PDE9A: variants seen among roughly 807,000 people sequenced by gnomAD.
The protein encoded by PDE9A is high affinity cGMP-specific 3',5'-cyclic phosphodiesterase 9A.
Under a neutral mutation model 87.4 loss-of-function variants are expected in PDE9A, and 60 were observed. That is an observed-to-expected ratio of 0.69 (90% confidence interval 0.56 to 0.85). The LOEUF is 0.85. Ranked by LOEUF, PDE9A falls within the 40% of genes least tolerant of loss-of-function variation. PDE9A has a pLI of 0.00. For missense variants in PDE9A, 665 were observed against 779.0 expected, an observed-to-expected ratio of 0.85 and a Z score of 1.74; for synonymous variants, 272 against 279.4, an observed-to-expected ratio of 0.97 and a Z score of 0.27.
intron 8 of PDE9A, among the ~76,000 whole-genome samples, chr21:42,747,189 T>C (rs1030932715): frequency 6.6e-6 from 1 of 152,196 alleles, no homozygotes; most frequent in Non-Finnish European, 1.5e-5. Context: ...GTCCCTTTTG[T>C]CTTTGTCAAC....
chr21:42,694,747 C>T lies in PDE9A; in HGVS notation c.219-4221C>T, dbSNP rs1308191322. Among the ~76,000 whole-genome samples the T allele has an allele frequency of 6.6e-6, 1 of 152,180 alleles. No homozygotes were observed. The highest frequency in any genetic ancestry group is 1.5e-5 in the Non-Finnish European group (1 of 68,040). On this transcript the variant is annotated intron_variant, in intron 3 of 19. Transcript: ENST00000291539. The surrounding 1 kb of genome is among the most constrained non-coding windows in gnomAD (Gnocchi z 5.3). ...TCTCTCCCTTGAGTCCTGCTACCTT[C>T]CAGAAAAATAGGCTCCAAACACACT...
intron 14 of PDE9A, 151 bp from the exon 15 acceptor site, chr21:42,765,230 G>A (rs1253526095): frequency 5.3e-6 from 3 of 566,056 alleles, no homozygotes; most frequent in Non-Finnish European, 9.6e-6. Flanking sequence ...AGATGGATGT[G>A]TGGACAAATG....
chr21:42,734,091 T>C (rs889935476), intron 7 of PDE9A: 2 of 151,974 alleles, frequency 1.3e-5, no homozygotes, highest in African/African-American at 4.8e-5. Context: ...GCCAAGCAGA[T>C]GCCGGCACCA....
Position 42,686,252 on chromosome 21 carries a change from G to T in PDE9A, c.130G>T (p.Gly44Cys), listed in dbSNP as rs756737949. The T allele has an allele frequency of 3.1e-6, 5 of 1,613,292 alleles. No individual in the cohort carries two copies. The highest frequency in any genetic ancestry group is 4.2e-6 in the Non-Finnish European group (5 of 1,179,442). Residue 44 changes from glycine to cysteine, a missense_variant, in exon 2 of 20, where the codon GGC (glycine) becomes TGC (cysteine). Physicochemically the swap from Gly to Cys is radical, Grantham distance 159. Transcript: ENST00000291539. ...CATGGACCTGTTCTGCATCGCCACC[G>T]GCCTGCCTCGGTGAGTGCGCGCTGC... is the stretch of plus-strand genomic sequence containing the variant. ...DIMDLFCIAT[G>C]LPRNTTISLL...
At position 42,739,094 on chromosome 21, in the gene PDE9A, C is replaced by T. The variant is rs773247405; in HGVS notation, c.569-4682C>T. 1.3e-5 allele frequency among the ~76,000 whole-genome samples: 2 copies of T among 152,222 alleles called. No individual in the cohort carries two copies. The highest frequency in any genetic ancestry group is 2.4e-5 in the African/African-American group (1 of 41,472). ...CTGGTCAGCGGGAATAACAGGCAGC[C>T]GTGGGCTGGGCTCCCAGCCCCCTAG... is the stretch of plus-strand genomic sequence containing the variant. On this transcript the variant is annotated intron_variant, in intron 7 of 19. Transcript: ENST00000291539. The surrounding 1 kb of genome is among the most constrained non-coding windows in gnomAD (Gnocchi z 4.1).
chr21:42,716,051 C>A (rs558292641), intron 4 of PDE9A, among the ~76,000 whole-genome samples: 2 of 151,938 alleles, frequency 1.3e-5, no homozygotes, highest in South Asian at 2.1e-4. Flanking sequence ...CTTTAAGATT[C>A]TTTTATGCCT....
rs1267242641 is a variant in PDE9A, at chr21:42,775,288, G to A, written c.1777G>A (p.Ala593Thr). Residue 593 changes from alanine to threonine, a missense_variant, in exon 20 of 20, where the codon GCC (alanine) becomes ACC (threonine). By Grantham distance (58) the Ala-to-Thr change is moderately conservative (BLOSUM62 0). Transcript: ENST00000291539. ...RDVKNSEGDC[A>T] ...CGTTTCCCTTCTTCCAGGAGACTGT[G>A]CCTGAGGAAAGCGGGGGGCGTGGCT... 1.2e-6 allele frequency: 2 copies of A among 1,611,548 alleles called. No individual in the cohort carries two copies. The highest frequency in any genetic ancestry group is 1.3e-5 in the African/African-American group (1 of 74,876).
At position 42,723,589 on chromosome 21, in the gene PDE9A, C is replaced by A. The variant is rs78125562; in HGVS notation, c.263-8181C>A. ...GCTTGGAGCAGCACCATGAAATCCA[C>A]TCTAGCATGCAGACTCGGGGGCACT... is the stretch of plus-strand genomic sequence containing the variant. On this transcript the variant is annotated intron_variant, in intron 4 of 19. Transcript: ENST00000291539. The surrounding 1 kb of genome is among the most constrained non-coding windows in gnomAD (Gnocchi z 4.3). 5.2e-3 allele frequency among the ~76,000 whole-genome samples: 799 copies of A among 152,326 alleles called. 4 individuals are homozygous for A. Among genetic ancestry groups the A allele is most frequent in the African/African-American group, 0.018 (757 of 41,570 alleles).
rs543084544 is a variant in PDE9A at position 42,753,681 on chromosome 21, C to T, written c.736-309C>T. ...AGTTCGAGACCAGCCTGGCCAACAT[C>T]GTGAACTCCCCATCTCTACTAAAAT... On this transcript the variant is annotated intron_variant, in intron 9 of 19. Transcript: ENST00000291539. 3.3e-5 allele frequency among the ~76,000 whole-genome samples: 5 copies of T among 151,928 alleles called. No homozygotes were observed. The South Asian group carries it at 1.0e-3, about 32-fold the overall frequency.
chr21:42,737,658 A>G (rs886536189), intron 7 of PDE9A, among the ~76,000 whole-genome samples: 2 of 152,150 alleles, frequency 1.3e-5, no homozygotes, highest in Non-Finnish European at 2.9e-5. Flanking sequence ...GGGTTCCGCC[A>G]TGTTGGCCAG....
intron 19 of PDE9A, 116 bp from the exon 20 acceptor site, chr21:42,775,164 A>T: frequency 1.1e-6 from 1 of 913,866 alleles, no homozygotes; most frequent in East Asian, 2.6e-5. Flanking sequence ...CTGGTCTCGA[A>T]CTCCTGACCT....
In PDE9A at chr21:42,702,972, G is replaced by A. The variant is rs2048496040; in HGVS notation, c.262+3961G>A. ...TGGGTCGAGATCACGAAAGGGAAGT[G>A]GCAGCAAAGGTGGAGGCAGAGAAAT... On this transcript the variant is annotated intron_variant, in intron 4 of 19. Coordinates refer to ENST00000291539, the MANE Select transcript of PDE9A (RefSeq NM_002606.3). This position sits in a 1 kb window ranked among gnomAD's most constrained non-coding sequence, Gnocchi z 4.9. 6.6e-6 allele frequency among the ~76,000 whole-genome samples: 1 copy of A among 152,240 alleles called. No homozygotes were observed. The highest frequency in any genetic ancestry group is 2.4e-5 in the African/African-American group (1 of 41,472).
Position 42,722,888 on chromosome 21 carries a change from TG to T in PDE9A, c.263-8881del, listed in dbSNP as rs1393188596. On this transcript the variant is annotated intron_variant, in intron 4 of 19. Coordinates refer to ENST00000291539, the MANE Select transcript of PDE9A (RefSeq NM_002606.3). This position sits in a 1 kb window ranked among gnomAD's most constrained non-coding sequence, Gnocchi z 4.1. The stretch of plus-strand genomic sequence containing the variant: ...TTCTGCACTGGGTAGACTCAGGATT[TG>T]CCTGAAACAAGTAAACAATTCCTGG... Among the ~76,000 whole-genome samples, 1 of 152,252 alleles carries T rather than the reference TG, an allele frequency of 6.6e-6. No homozygotes were observed. Among genetic ancestry groups the T allele is most frequent in the Non-Finnish European group, 1.5e-5 (1 of 68,040 alleles).
At chr21:42,655,799 A>G (rs1039086224) in intron 1 of PDE9A, among the ~76,000 whole-genome samples, 3 of 152,292 alleles carry the variant, frequency 2.0e-5, no homozygotes, top group East Asian at 3.9e-4. Flanking sequence ...GAGGCGCCAG[A>G]CGGGTCTCCA....
At chr21:42,707,492 T>C (rs1363882682) in intron 4 of PDE9A, among the ~76,000 whole-genome samples, 1 of 152,212 alleles carries the variant, frequency 6.6e-6, no homozygotes, top group Non-Finnish European at 1.5e-5. Flanking sequence ...TCAATGCAGT[T>C]GCTCAAAGGG....
In PDE9A at chr21:42,735,763, T is replaced by C. The variant is rs8133929; in HGVS notation, c.568+2337T>C. 6.5e-3 allele frequency among the ~76,000 whole-genome samples: 986 copies of C among 152,288 alleles called. 13 individuals are homozygous for C. Among genetic ancestry groups the C allele is most frequent in the African/African-American group, 0.023 (942 of 41,560 alleles). ...CTCCAGATCCCTAATGGATTATATCTGCCAAGGACCTTTTTCTACATAAGG... is the reference window on the plus strand; with the variant it reads ...CTCCAGATCCCTAATGGATTATATCCGCCAAGGACCTTTTTCTACATAAGG... On this transcript the variant is annotated intron_variant, in intron 7 of 19. Transcript: ENST00000291539.
chr21:42,751,475 T>C (rs1291467148), intron 9 of PDE9A, among the ~76,000 whole-genome samples: 1 of 152,054 alleles, frequency 6.6e-6, no homozygotes, highest in Non-Finnish European at 1.5e-5. Context: ...GGGTAGACAG[T>C]TTTTACACTC....
chr21:42,721,977 CT>C (rs2050576307), intron 4 of PDE9A, among the ~76,000 whole-genome samples: 1 of 104,774 alleles, frequency 9.5e-6, no homozygotes, highest in Admixed American at 9.0e-5. Context: ...AGGTATTTTT[CT>C]TTTCTTTTTT....
rs1286293625 is a variant in PDE9A at position 42,653,798 on chromosome 21, C to T, written c.-17C>T. The T allele has an allele frequency of 2.0e-6, 3 of 1,491,050 alleles. No homozygotes were observed. Among genetic ancestry groups the T allele is most frequent in the Non-Finnish European group, 2.7e-6 (3 of 1,115,768 alleles). 92.4% of individuals were successfully genotyped at this position (1,491,050 alleles called of 1,614,324 possible). A position where few individuals can be genotyped will look rare whatever the true frequency, so the allele number is the denominator to read the frequency against. ...GAAAGTACAGTAAAAAGTCCGAGTG[C>T]AGCCGCCGGGCGCAGGATGGGATCC... On this transcript the variant is annotated 5_prime_UTR_variant, in exon 1 of 20. Transcript: ENST00000291539.
Sources: gnomAD v4.1 joint callset for allele counts (sites outside exome capture counted in the v4.1 genomes callset) on GRCh38, gnomAD v4.1.1 for gene constraint, Gnocchi (gnomAD v3.1) non-coding constraint, MANE v1.5 for transcripts, NCBI Gene and HGNC (gene_info 2026-07-23, HGNC 2026-07-21) for gene names.